The following RBFOX1 variants were observed in gnomAD, a reference collection of about 807,000 sequenced individuals.
RBFOX1 encodes the protein RNA binding fox-1 homolog 1.
RBFOX1 carries 8 observed loss-of-function variants against 57.7 expected under a neutral mutation model. The ratio of observed to expected loss-of-function variants is 0.14; its 90% CI spans 0.08 to 0.25. The LOEUF is 0.25. Ranked by LOEUF, RBFOX1 falls within the 10% of genes least tolerant of loss-of-function variation. The pLI, the probability that RBFOX1 is intolerant of heterozygous loss-of-function variation, is 1.00. For missense variants in RBFOX1, 611 were observed against 548.5 expected (o/e 1.11, Z -1.14); for synonymous variants, 326 against 222.4 (o/e 1.47, Z -4.15).
At chr16:7,153,627 A>G (rs928947834) in intron 4 of RBFOX1, among the ~76,000 whole-genome samples, 1 of 151,340 alleles carries the variant, frequency 6.6e-6, no homozygotes, top group South Asian at 2.1e-4. Flanking sequence ...GGGGGCGCCT[A>G]TAATTCCAGC....
chr16:7,278,521 G>A (rs1241811930), intron 4 of RBFOX1, among the ~76,000 whole-genome samples: 2 of 152,154 alleles, frequency 1.3e-5, no homozygotes, highest in Non-Finnish European at 2.9e-5. Flanking sequence ...TTAAGAAAGT[G>A]TATTCATCCT....
intron 4 of RBFOX1, among the ~76,000 whole-genome samples, chr16:7,131,067 G>T (rs773063174): frequency 6.6e-5 from 10 of 152,058 alleles, no homozygotes; most frequent in Non-Finnish European, 1.3e-4. Context: ...GCTTCTGGCC[G>T]GGCATGGTGG....
At chr16:5,371,235 C>T (rs2065849791) in intron 1 of RBFOX1, among the ~76,000 whole-genome samples, 1 of 152,194 alleles carries the variant, frequency 6.6e-6, no homozygotes, top group African/African-American at 2.4e-5. Flanking sequence ...GGCGTGAGCC[C>T]CCTGTGCCCA....
At chr16:5,379,605 G>T (rs2066079211) in intron 1 of RBFOX1, among the ~76,000 whole-genome samples, 1 of 152,146 alleles carries the variant, frequency 6.6e-6, no homozygotes, top group South Asian at 2.1e-4. Context: ...TCTCTGTGTG[G>T]TCTTTGGTGA....
At chr16:5,515,293 G>A (rs1055544281) in intron 2 of RBFOX1, among the ~76,000 whole-genome samples, 5 of 152,230 alleles carry the variant, frequency 3.3e-5, no homozygotes, top group African/African-American at 1.2e-4. Flanking sequence ...ACCTTTTCCT[G>A]TAGCTGTCAG....
At chr16:6,714,668 A>G (rs2064410167) in intron 3 of RBFOX1, among the ~76,000 whole-genome samples, 1 of 152,138 alleles carries the variant, frequency 6.6e-6, no homozygotes, top group Admixed American at 6.6e-5. Flanking sequence ...GTGCACTGAT[A>G]TCATAAAGGT....
chr16:6,483,773 A>C (rs1261144274), intron 2 of RBFOX1: 3 of 1,408,428 alleles, frequency 2.1e-6, no homozygotes, highest in Non-Finnish European at 2.8e-6. Flanking sequence ...CCGCTGTCCA[A>C]CGTTAGCGCA....
At chr16:6,372,195 A>G (rs1454689726) in intron 2 of RBFOX1, among the ~76,000 whole-genome samples, 1 of 151,498 alleles carries the variant, frequency 6.6e-6, no homozygotes, top group Non-Finnish European at 1.5e-5. Flanking sequence ...GTGGAAGTAT[A>G]CTCGGATGAG....
chr16:6,236,260 C>A (rs780503609), intron 1 of RBFOX1, among the ~76,000 whole-genome samples: 1 of 152,136 alleles, frequency 6.6e-6, no homozygotes. Context: ...GGCACCACCA[C>A]CTTGACCTTG....
intron 2 of RBFOX1, among the ~76,000 whole-genome samples, chr16:6,488,922 T>G (rs1420081): frequency 0.68 from 103,029 of 152,008 alleles, 35,146 homozygotes; most frequent in East Asian, 0.77. Context: ...CAAGAGAGGG[T>G]AGAAGGTATG....
chr16:7,635,208 T>G (rs755988166), intron 11 of RBFOX1, among the ~76,000 whole-genome samples: 3 of 152,224 alleles, frequency 2.0e-5, no homozygotes, highest in Admixed American at 6.5e-5. Flanking sequence ...TTTTCATTAG[T>G]TGAAGTATCT....
intron 3 of RBFOX1, among the ~76,000 whole-genome samples, chr16:5,630,111 C>A (rs1391192880): frequency 6.6e-6 from 1 of 152,176 alleles, no homozygotes; most frequent in Non-Finnish European, 1.5e-5. Context: ...ATTTGAGGCT[C>A]AGAGGCACAG....
intron 1 of RBFOX1, among the ~76,000 whole-genome samples, chr16:6,033,456 A>G (rs537380450): frequency 1.3e-5 from 2 of 152,220 alleles, no homozygotes; most frequent in African/African-American, 4.8e-5. Flanking sequence ...ACCCTTTCAT[A>G]TATATTTTAT....
At chr16:7,691,564 A>G (rs951002927) in intron 14 of RBFOX1, among the ~76,000 whole-genome samples, 1 of 152,130 alleles carries the variant, frequency 6.6e-6, no homozygotes, top group Non-Finnish European at 1.5e-5. Flanking sequence ...CCATCATACT[A>G]TAAAATTCTG....
intron 1 of RBFOX1, among the ~76,000 whole-genome samples, chr16:5,326,448 A>T (rs1299797667): frequency 3.3e-5 from 5 of 152,314 alleles, no homozygotes; most frequent in African/African-American, 9.6e-5. Context: ...TCAGGAGAAC[A>T]GTGTTTCTGT....
chr16:5,623,032 T>G (rs1261149316), intron 3 of RBFOX1, among the ~76,000 whole-genome samples: 1 of 152,188 alleles, frequency 6.6e-6, no homozygotes, highest in African/African-American at 2.4e-5. Context: ...GTATGAGACT[T>G]GAACATTCAT....
intron 1 of RBFOX1, among the ~76,000 whole-genome samples, chr16:5,436,090 C>A (rs184046086): frequency 6.6e-6 from 1 of 152,276 alleles, no homozygotes; most frequent in Non-Finnish European, 1.5e-5. Context: ...CCAGTGGGAG[C>A]AATCCAGGAG....
upstream of RBFOX1, among the ~76,000 whole-genome samples, chr16:6,018,332 A>G (rs1596414610): frequency 6.6e-6 from 1 of 152,242 alleles, no homozygotes; most frequent in Non-Finnish European, 1.5e-5. Flanking sequence ...TGAAATGGAT[A>G]AACCTCCAGT....
intron 1 of RBFOX1, among the ~76,000 whole-genome samples, chr16:5,318,818 A>C (rs910585066): frequency 2.0e-5 from 3 of 152,250 alleles, no homozygotes; most frequent in African/African-American, 7.2e-5. Flanking sequence ...GGCCTGACCT[A>C]ATTGCGTGAG....
Sources: allele counts gnomAD v4.1 joint callset (sites outside exome capture counted in the v4.1 genomes callset), GRCh38; gene constraint gnomAD v4.1.1; transcripts MANE v1.5; gene names NCBI Gene and HGNC (gene_info 2026-07-23, HGNC 2026-07-21).